CTDSPL2: variants seen among roughly 807,000 people sequenced by gnomAD.
CTDSPL2 encodes CTD small phosphatase like 2.
A neutral mutation model predicts 60.0 loss-of-function variants in CTDSPL2; 5 were observed. The observed-to-expected ratio is 0.08, with a 90% CI of 0.04 to 0.18. The LOEUF is 0.18. Among genes scored for constraint, CTDSPL2 ranks in the 10% least tolerant of loss-of-function variants. The pLI is 1.00. For missense variants in CTDSPL2, 370 were observed against 548.8 expected, an observed-to-expected ratio of 0.67 and a Z score of 3.26; for synonymous variants, 186 against 189.3, an observed-to-expected ratio of 0.98 and a Z score of 0.14.
chr15:44,469,826 G>C (rs1250882124), intron 2 of CTDSPL2, among the ~76,000 whole-genome samples: 1 of 152,074 alleles, frequency 6.6e-6, no homozygotes, highest in Admixed American at 6.6e-5. Flanking sequence ...GGCCGGGCGC[G>C]GTGGCTCACG....
intron 1 of CTDSPL2, among the ~76,000 whole-genome samples, chr15:44,429,379 G>T (rs972329833): frequency 5.3e-5 from 8 of 152,110 alleles, no homozygotes; most frequent in Non-Finnish European, 1.2e-4. Flanking sequence ...TTAAATCATT[G>T]GTCTAGTGTG....
At chr15:44,508,645 G>C (rs908190796) in intron 8 of CTDSPL2, among the ~76,000 whole-genome samples, 3 of 152,108 alleles carry the variant, frequency 2.0e-5, no homozygotes, top group South Asian at 4.1e-4. Context: ...ATGGTCTGCC[G>C]GGCGCTGTGG....
chr15:44,461,283 T>C (rs1567072594), intron 2 of CTDSPL2, among the ~76,000 whole-genome samples: 1 of 152,246 alleles, frequency 6.6e-6, no homozygotes, highest in Non-Finnish European at 1.5e-5. Flanking sequence ...ATACAACTTT[T>C]GACTCTCCAA....
intron 2 of CTDSPL2, among the ~76,000 whole-genome samples, chr15:44,479,012 GGC>G (rs1229423776): frequency 6.6e-6 from 1 of 151,676 alleles, no homozygotes; most frequent in Non-Finnish European, 1.5e-5. Context: ...TGCCACTCCT[GGC>G]TTTTACATTT....
At chr15:44,497,813 A>G (rs373338846) in intron 7 of CTDSPL2, among the ~76,000 whole-genome samples, 1 of 152,148 alleles carries the variant, frequency 6.6e-6, no homozygotes, top group Admixed American at 6.6e-5. Context: ...CCTGACCAAC[A>G]TGGCAAAACC....
At chr15:44,512,047 T>A (rs1185873633) in intron 8 of CTDSPL2, among the ~76,000 whole-genome samples, 1 of 151,764 alleles carries the variant, frequency 6.6e-6, no homozygotes, top group African/African-American at 2.4e-5. Flanking sequence ...AAAAATTGTT[T>A]AAAGCCAGGC....
At chr15:44,486,758 G>GTTTTTTTTT in intron 4 of CTDSPL2, 58 bp downstream of exon 4, 2 of 800,354 alleles carry the variant, frequency 2.5e-6, no homozygotes, top group Non-Finnish European at 1.8e-6. Context: ...CATAGTTTGG[G>GTTTTTTTTT]TTTTTTTTTT....
At position 44,448,617 on chromosome 15, in the gene CTDSPL2, G is replaced by A. The variant is rs77298233; in HGVS notation, c.-24-10374G>A. 1,134 of 302,008 alleles carry A rather than the reference G, an allele frequency of 3.8e-3. 48 individuals are homozygous for A. In the East Asian group the frequency reaches 0.087, roughly 23 times the overall value. The allele number at this position is 302,008 out of a possible 1,614,324, so 18.7% of individuals were successfully genotyped here. On this transcript the variant is annotated intron_variant, in intron 1 of 12. Transcript: ENST00000260327. ...CAAATTGACCCACATTTTCCATACC[G>A]CCACCATGGGGGTCCCTCCTCCATT...
intron 4 of CTDSPL2, among the ~76,000 whole-genome samples, chr15:44,489,144 C>A (rs1312708058): frequency 1.6e-4 from 24 of 150,142 alleles, no homozygotes; most frequent in African/African-American, 5.6e-4. Context: ...CCCCTCCCCC[C>A]CACCTACCTC....
chr15:44,437,057 T>G (rs1204752224), intron 1 of CTDSPL2, among the ~76,000 whole-genome samples: 1 of 152,244 alleles, frequency 6.6e-6, no homozygotes, highest in Admixed American at 6.5e-5. Flanking sequence ...TTAATAGTTT[T>G]GTGCATGAAA....
chr15:44,509,033 T>C (rs916133428), intron 8 of CTDSPL2, among the ~76,000 whole-genome samples: 1 of 152,198 alleles, frequency 6.6e-6, no homozygotes, highest in African/African-American at 2.4e-5. Flanking sequence ...GTTAAAATTA[T>C]CTATGATATT....
chr15:44,515,237 A>G (rs546864678), intron 10 of CTDSPL2, among the ~76,000 whole-genome samples: 1 of 152,310 alleles, frequency 6.6e-6, no homozygotes, highest in Admixed American at 6.5e-5. Context: ...TTTAACAGAA[A>G]GGATCAAATT....
intron 12 of CTDSPL2, among the ~76,000 whole-genome samples, chr15:44,521,937 CAAAAAAAAAAAAA>C (rs904398715): frequency 1.6e-5 from 1 of 60,764 alleles, no homozygotes; most frequent in Non-Finnish European, 2.6e-5. Flanking sequence ...GACTCCGTCT[CAAAAAAAAAAAAA>C]AAAAAAAAAA....
intron 1 of CTDSPL2, among the ~76,000 whole-genome samples, chr15:44,435,361 G>A (rs2079955610): frequency 6.6e-6 from 1 of 151,894 alleles, no homozygotes; most frequent in Admixed American, 6.6e-5. Flanking sequence ...CCTTAGGTCA[G>A]GAGTTCAAGA....
rs1208641698 is a variant in CTDSPL2 at position 44,473,928 on chromosome 15, C to T, written c.187-10296C>T. 2.6e-5 allele frequency among the ~76,000 whole-genome samples: 4 copies of T among 152,122 alleles called. No homozygotes were observed. In the East Asian group the frequency reaches 5.8e-4, roughly 22 times the overall value. ...CCTGCATTGTTTTAACTTCCATTTC[C>T]GAGGCTCAGGTGATCCTCACGCCTC... On this transcript the variant is annotated intron_variant, in intron 2 of 12. Coordinates refer to ENST00000260327, the MANE Select transcript of CTDSPL2 (RefSeq NM_016396.3).
intron 4 of CTDSPL2, among the ~76,000 whole-genome samples, chr15:44,487,085 TAA>T (rs945545066): frequency 2.6e-5 from 4 of 152,162 alleles, no homozygotes; most frequent in Non-Finnish European, 5.9e-5. Context: ...ACATAGTTTT[TAA>T]AAAGATCTTT....
chr15:44,519,487 T>A (rs2081719017), intron 11 of CTDSPL2, 192 bp downstream of exon 11: 2 of 435,548 alleles, frequency 4.6e-6, no homozygotes, highest in Non-Finnish European at 8.1e-6. Flanking sequence ...TTAAATGACA[T>A]GCAGCATAAA....
rs185056741 is a variant in CTDSPL2 at position 44,451,004 on chromosome 15, C to T, written c.-24-7987C>T. 1.9e-3 allele frequency among the ~76,000 whole-genome samples: 292 copies of T among 152,192 alleles called. 1 individual carries two copies. Among genetic ancestry groups the T allele is most frequent in the African/African-American group, 6.8e-3 (283 of 41,512 alleles). ...ATAAATATTGATTAAAATACTTATA[C>T]ATGTTAAAACAAGCAGACTAATATA... On this transcript the variant is annotated intron_variant, in intron 1 of 12. Transcript: ENST00000260327.
chr15:44,466,267 C>T (rs1002972962), intron 2 of CTDSPL2, among the ~76,000 whole-genome samples: 1 of 152,012 alleles, frequency 6.6e-6, no homozygotes, highest in African/African-American at 2.4e-5. Flanking sequence ...ATTCACCCGC[C>T]TTGGCCTCCC....
Sources: allele counts gnomAD v4.1 joint callset (sites outside exome capture counted in the v4.1 genomes callset), GRCh38; gene constraint gnomAD v4.1.1; transcripts MANE v1.5; gene names NCBI Gene and HGNC (gene_info 2026-07-23, HGNC 2026-07-21).